Variants in RNF19A observed in about 807,000 individuals in gnomAD.
RNF19A encodes the protein E3 ubiquitin-protein ligase RNF19A.
In RNF19A, 32 loss-of-function variants were observed where a neutral mutation model predicts 75.7. That is an observed-to-expected ratio of 0.42 (90% CI 0.32 to 0.57). RNF19A has a LOEUF of 0.57. RNF19A is among the 20% of genes least tolerant of loss of function. The pLI is 0.10. For missense variants in RNF19A, 782 were observed against 1,036.3 expected, an observed-to-expected ratio of 0.75 and a Z score of 3.37; for synonymous variants, 335 against 345.2, an observed-to-expected ratio of 0.97 and a Z score of 0.33.
intron 1 of RNF19A, among the ~76,000 whole-genome samples, chr8:100,302,741 G>T (rs1305111029): frequency 6.6e-6 from 1 of 152,068 alleles, no homozygotes; most frequent in Non-Finnish European, 1.5e-5. Context: ...GGTGGAAGGG[G>T]GATCATGGAG....
chr8:100,305,382 CA>C (rs1356006637), intron 1 of RNF19A, among the ~76,000 whole-genome samples: 1 of 152,170 alleles, frequency 6.6e-6, no homozygotes, highest in African/African-American at 2.4e-5. Flanking sequence ...AAAAAGACTA[CA>C]AAAAGACAAG....
chr8:100,311,662 G>A (rs957464867), upstream of RNF19A, among the ~76,000 whole-genome samples: 1 of 146,222 alleles, frequency 6.8e-6, no homozygotes, highest in Admixed American at 6.9e-5. Flanking sequence ...AGCTTGTAGT[G>A]AGCAGAGATC....
At chr8:100,310,737 C>T (rs183645707), upstream of RNF19A, among the ~76,000 whole-genome samples, 2 of 148,426 alleles carry the variant, frequency 1.3e-5, no homozygotes, top group East Asian at 2.0e-4. Context: ...TGGAGAGTAT[C>T]TTCCATTCAT....
At chr8:100,301,718 C>G (rs1345775402) in intron 1 of RNF19A, among the ~76,000 whole-genome samples, 1 of 152,126 alleles carries the variant, frequency 6.6e-6, no homozygotes, top group Non-Finnish European at 1.5e-5. Flanking sequence ...ACTCCATGCT[C>G]TTATATACAA....
At chr8:100,298,516 C>T (rs1156942168) in intron 1 of RNF19A, among the ~76,000 whole-genome samples, 4 of 152,142 alleles carry the variant, frequency 2.6e-5, no homozygotes, top group Non-Finnish European at 5.9e-5. Context: ...CTTACCAAGA[C>T]CCAGATATAC....
Position 100,264,106 on chromosome 8 carries a change from T to C in RNF19A, c.1396A>G (p.Asn466Asp), listed in dbSNP as rs143426825. 1 of 1,613,886 alleles carries C rather than the reference T, an allele frequency of 6.2e-7. No individual in the cohort carries two copies. The highest frequency in any genetic ancestry group is 8.5e-7 in the Non-Finnish European group (1 of 1,179,812). The change falls in exon 7 of 10, where the codon AAT (asparagine) becomes GAT (aspartate). Residue 466 changes from asparagine (N) to aspartate (D), a missense_variant. By Grantham distance (23) the Asn-to-Asp change is conservative (BLOSUM62 1). This residue lies in a region of RNF19A where 442 missense variants were observed against 541.6 expected (regional missense o/e 0.82). Coordinates refer to ENST00000341084, the MANE Select transcript of RNF19A (RefSeq NM_183419.4). This position sits in a 1 kb window ranked among gnomAD's most constrained non-coding sequence, Gnocchi z 4.7. ...RSGGCGVSAG[N>D]GKGVRIEFDD... Reference sequence around the variant, plus strand: ...AATTCAATCCTAACTCCTTTTCCATTGCCTGCTGAGACTCCACAACCTCCG... The same window carrying C: ...AATTCAATCCTAACTCCTTTTCCATCGCCTGCTGAGACTCCACAACCTCCG...
chr8:100,271,412 T>C lies in RNF19A; in HGVS notation c.884-1399A>G, dbSNP rs537561796. On this transcript the variant is annotated intron_variant, in intron 3 of 9. Transcript: ENST00000341084. ...TTTATGCCTGATACAACACGTGGTATACTAAATTAAGGAAATGCTAATCCT... is the reference window on the plus strand; with the variant it reads ...TTTATGCCTGATACAACACGTGGTACACTAAATTAAGGAAATGCTAATCCT... 2.6e-5 allele frequency among the ~76,000 whole-genome samples: 4 copies of C among 152,334 alleles called. No individual in the cohort carries two copies. The South Asian group carries it at 8.3e-4, about 32-fold the overall frequency.
Position 100,332,705 on chromosome 8 carries a change from G to A in RNF19A, c.-243+3403C>T, listed in dbSNP as rs561517292. The stretch of plus-strand genomic sequence containing the variant: ...TTGGTCTTTGCAAATTTGTTAAAAT[G>A]TTATCTCATTTTCATTTTAACTTGC... On this transcript the variant is annotated intron_variant, in intron 1 of 3. Coordinates refer to the RNF19A transcript ENST00000519527. This position sits in a 1 kb window ranked among gnomAD's most constrained non-coding sequence, Gnocchi z 4.8. Among the ~76,000 whole-genome samples, 3 of 152,164 alleles carry A rather than the reference G, an allele frequency of 2.0e-5. No individual in the cohort carries two copies. The highest frequency in any genetic ancestry group is 6.3e-3 in the Middle Eastern group (2 of 316).
intron 1 of RNF19A, among the ~76,000 whole-genome samples, chr8:100,299,379 T>C (rs1296090882): frequency 6.6e-6 from 1 of 152,256 alleles, no homozygotes; most frequent in Admixed American, 6.5e-5. Context: ...CAAGTATTAG[T>C]ATACTCTTCT....
chr8:100,283,556 C>A (rs1820879673), intron 2 of RNF19A, among the ~76,000 whole-genome samples: 1 of 152,136 alleles, frequency 6.6e-6, no homozygotes, highest in Non-Finnish European at 1.5e-5. Context: ...TATGATCAGT[C>A]CTAGCCCTCA....
rs540919451 is a variant in RNF19A, at chr8:100,284,176, A to G, written c.674+3325T>C. 2.6e-5 allele frequency among the ~76,000 whole-genome samples: 4 copies of G among 152,350 alleles called. No homozygotes were observed. Among genetic ancestry groups the G allele is most frequent in the African/African-American group, 9.6e-5 (4 of 41,584 alleles). ...GTGTGCTAGGAATTTTGCTAGTAATAGCATTAAAGATCTCACTTAATCCTT... is the reference window on the plus strand; with the variant it reads ...GTGTGCTAGGAATTTTGCTAGTAATGGCATTAAAGATCTCACTTAATCCTT... On this transcript the variant is annotated intron_variant, in intron 2 of 9. Coordinates refer to ENST00000341084, the MANE Select transcript of RNF19A (RefSeq NM_183419.4). This position sits in a 1 kb window ranked among gnomAD's most constrained non-coding sequence, Gnocchi z 4.3.
intron 3 of RNF19A, among the ~76,000 whole-genome samples, chr8:100,273,105 G>A (rs1290062365): frequency 6.6e-6 from 1 of 150,466 alleles, no homozygotes; most frequent in Non-Finnish European, 1.5e-5. Flanking sequence ...GGGCTCAAGC[G>A]ATCCTCCTGC....
chr8:100,295,369 T>C (rs1821506938), intron 1 of RNF19A, among the ~76,000 whole-genome samples: 1 of 152,192 alleles, frequency 6.6e-6, no homozygotes, highest in Non-Finnish European at 1.5e-5. Context: ...AACATTTTGG[T>C]AGACAATTTA....
In RNF19A at chr8:100,269,067, CT is replaced by C. The variant is rs1191046708; in HGVS notation, c.1029-121del. 1.6e-6 allele frequency: 1 copy of C among 627,530 alleles called. No individual in the cohort carries two copies. The highest frequency in any genetic ancestry group is 2.4e-6 in the Non-Finnish European group (1 of 409,636). 38.9% of individuals were successfully genotyped at this position (627,530 alleles called of 1,614,324 possible). ...TCTCATAGTTAGGAGCTTTTTTCCC[CT>C]TTAAATTCTGAGTTCATTAAACTAA... On this transcript the variant is annotated intron_variant, in intron 4 of 9. Coordinates refer to ENST00000341084, the MANE Select transcript of RNF19A (RefSeq NM_183419.4). The surrounding 1 kb of genome is among the most constrained non-coding windows in gnomAD (Gnocchi z 5.7).
At chr8:100,306,419 T>C (rs750531492) in intron 1 of RNF19A, among the ~76,000 whole-genome samples, 6 of 152,082 alleles carry the variant, frequency 3.9e-5, no homozygotes, top group Non-Finnish European at 8.8e-5. Context: ...ATTTATAAAA[T>C]AAAATACTAG....
intron 1 of RNF19A, among the ~76,000 whole-genome samples, chr8:100,316,939 C>T (rs990369050): frequency 4.6e-5 from 7 of 152,218 alleles, no homozygotes; most frequent in Non-Finnish European, 8.8e-5. Flanking sequence ...AGCTAAGGGT[C>T]GGTGAGAAAT....
chr8:100,294,869 G>C (rs1178837970), intron 1 of RNF19A, among the ~76,000 whole-genome samples: 1 of 152,054 alleles, frequency 6.6e-6, no homozygotes, highest in Non-Finnish European at 1.5e-5. Context: ...AGATTTTCTT[G>C]CATTATTCAA....
chr8:100,278,070 T>A lies in RNF19A; in HGVS notation c.675-2909A>T, dbSNP rs370677332. On this transcript the variant is annotated intron_variant, in intron 2 of 9. Coordinates refer to ENST00000341084, the MANE Select transcript of RNF19A (RefSeq NM_183419.4). The stretch of plus-strand genomic sequence containing the variant: ...TTCTACTTCCACCACTTAATACTTG[T>A]GTAATTTTAAGTAAATTACATTATC... Among the ~76,000 whole-genome samples, 6 of 152,260 alleles carry A rather than the reference T, an allele frequency of 3.9e-5. No individual in the cohort carries two copies. In the East Asian group the frequency reaches 1.2e-3, roughly 29 times the overall value.
In RNF19A at chr8:100,287,125, G is replaced by T. The variant is rs1440572; in HGVS notation, c.674+376C>A. 0.073 allele frequency among the ~76,000 whole-genome samples: 11,087 copies of T among 151,988 alleles called. 1,203 individuals are homozygous for T. Among genetic ancestry groups the T allele is most frequent in the African/African-American group, 0.23 (9,629 of 41,436 alleles). Reference sequence around the variant, plus strand: ...AACAAAGAGAAAAAAAATAAAGAAGGTCATTTGAATTTATGACCACAAATA... The same window carrying T: ...AACAAAGAGAAAAAAAATAAAGAAGTTCATTTGAATTTATGACCACAAATA... On this transcript the variant is annotated intron_variant, in intron 2 of 9. Transcript: ENST00000341084. This position sits in a 1 kb window ranked among gnomAD's most constrained non-coding sequence, Gnocchi z 4.1.
Sources: gnomAD v4.1 joint callset for allele counts (sites outside exome capture counted in the v4.1 genomes callset) on GRCh38, gnomAD v4.1.1 for gene constraint, gnomAD v4.1.1 regional missense constraint, Gnocchi (gnomAD v3.1) non-coding constraint, MANE v1.5 for transcripts, NCBI Gene and HGNC (gene_info 2026-07-23, HGNC 2026-07-21) for gene names.